ACAD10: variants seen among roughly 807,000 people sequenced by gnomAD.
ACAD10 encodes the protein acyl-CoA dehydrogenase family member 10.
A neutral mutation model predicts 116.8 loss-of-function variants in ACAD10; 112 were observed. The observed-to-expected ratio is 0.96, with a 90% CI of 0.82 to 1.12. The LOEUF is 1.12. ACAD10 is among the 50% of genes most tolerant of loss of function. The probability of loss-of-function intolerance (pLI) is 0.00; values close to 1 mark genes in which losing one functional copy is unlikely to be tolerated. For missense variants in ACAD10, 1,259 were observed against 1,350.2 expected (o/e 0.93, Z 1.06); for synonymous variants, 486 against 510.6 (o/e 0.95, Z 0.65).
chr12:111,746,738 A>G lies in ACAD10; in HGVS notation c.2257-311A>G, dbSNP rs141419047. ...GAGAAGGCCAGGCATGGTGGCTCAC[A>G]CCTGTAATCCCGGTACTTTTGGAGG... On this transcript the variant is annotated intron_variant, in intron 14 of 20. Transcript: ENST00000313698. Among the ~76,000 whole-genome samples, 910 of 152,180 alleles carry G rather than the reference A, an allele frequency of 6.0e-3. 11 individuals are homozygous for G. Among genetic ancestry groups the G allele is most frequent in the African/African-American group, 0.02 (843 of 41,544 alleles).
intron 4 of ACAD10, among the ~76,000 whole-genome samples, chr12:111,707,785 C>G (rs1888552355): frequency 6.6e-6 from 1 of 152,184 alleles, no homozygotes; most frequent in African/African-American, 2.4e-5. Flanking sequence ...TATTTGTACC[C>G]TTCGTTGGGC....
chr12:111,730,204 CGAT>C (rs1005604136), intron 10 of ACAD10, among the ~76,000 whole-genome samples: 14 of 152,162 alleles, frequency 9.2e-5, no homozygotes, highest in Non-Finnish European at 1.9e-4. Context: ...TCAACCCACT[CGAT>C]GACAGTAGCA....
chr12:111,721,726 T>C lies in ACAD10; in HGVS notation c.1048T>C (p.Cys350Arg). ...GVPVPNVLDL[C>R]EDSSVIGTPF... ...ACCTGTCCCTAACGTTCTTGATCTC[T>C]GTGAAGATTCAAGGTAAAGTTCAGA... The change falls in exon 8 of 21, where the codon TGT (cysteine) becomes CGT (arginine). Residue 350 changes from cysteine (C) to arginine (R), a missense_variant. By Grantham distance (180) the Cys-to-Arg change is radical. Transcript: ENST00000313698. 3 of 1,597,742 alleles carry C rather than the reference T, an allele frequency of 1.9e-6. No homozygotes were observed. Among genetic ancestry groups the C allele is most frequent in the Non-Finnish European group, 2.6e-6 (3 of 1,167,672 alleles).
At chr12:111,746,883 A>AG (rs1379980437) in intron 14 of ACAD10, among the ~76,000 whole-genome samples, 166 bp from the exon 15 acceptor site, 5 of 152,178 alleles carry the variant, frequency 3.3e-5, no homozygotes, top group African/African-American at 1.2e-4. Context: ...CTGTAGTCTC[A>AG]GCTGCTTGGG....
intron 5 of ACAD10, chr12:111,710,210 C>T (rs1364997497): frequency 4.6e-6 from 2 of 436,056 alleles, no homozygotes; most frequent in African/African-American, 4.1e-5. Flanking sequence ...CTACCTCAGT[C>T]TCCTGAGTAG....
intron 2 of ACAD10, among the ~76,000 whole-genome samples, chr12:111,698,040 G>A (rs2135946288): frequency 6.7e-6 from 1 of 149,304 alleles, no homozygotes; most frequent in South Asian, 2.1e-4. Context: ...TGTCACCCAG[G>A]CTAGAGTGCA....
At chr12:111,703,083 CAAA>C (rs1205550152) in intron 3 of ACAD10, among the ~76,000 whole-genome samples, 5 of 78,220 alleles carry the variant, frequency 6.4e-5, no homozygotes, top group East Asian at 4.9e-4. Flanking sequence ...GACTCTGTCT[CAAA>C]AAAAAAAAAA....
Position 111,706,784 on chromosome 12 carries a change from T to TA in ACAD10, c.531+852_531+853insA, listed in dbSNP as rs1566146063. ...TTTTTATATATATATATATATATATTTTTTTTTTTGAGACCATCTCACTCT... is the reference window on the plus strand; with the variant it reads ...TTTTTATATATATATATATATATATTATTTTTTTTTGAGACCATCTCACTCT... On this transcript the variant is annotated intron_variant, in intron 4 of 20. Coordinates refer to ENST00000313698, the MANE Select transcript of ACAD10 (RefSeq NM_025247.6). 1.9e-3 allele frequency among the ~76,000 whole-genome samples: 258 copies of TA among 134,614 alleles called. 2 individuals carry two copies. Among genetic ancestry groups the TA allele is most frequent in the African/African-American group, 6.9e-3 (239 of 34,812 alleles). 88.3% of individuals were successfully genotyped at this position (134,614 alleles called of 152,430 possible).
At chr12:111,738,222 A>G (rs550600889) in intron 12 of ACAD10, among the ~76,000 whole-genome samples, 1 of 152,104 alleles carries the variant, frequency 6.6e-6, no homozygotes, top group Non-Finnish European at 1.5e-5. Flanking sequence ...TAGTATGACA[A>G]AATGTTCCAG....
intron 8 of ACAD10, among the ~76,000 whole-genome samples, chr12:111,725,322 A>G (rs1425086286): frequency 6.6e-6 from 1 of 152,074 alleles, no homozygotes; most frequent in Non-Finnish European, 1.5e-5. Context: ...AGCCAGGGCA[A>G]CATGGCAAAA....
chr12:111,747,308 A>G lies in ACAD10; in HGVS notation c.2408A>G (p.Asp803Gly), dbSNP rs772621293. Reference sequence around the variant, plus strand: ...CTCCCCACTCAGGTTGCCTCTTCAGATGCCACCAACATTGAGGCTTCCATC... The same window carrying G: ...CTCCCCACTCAGGTTGCCTCTTCAGGTGCCACCAACATTGAGGCTTCCATC... ...AMTEPQVASSDATNIEASIRE... is the reference protein window; with the variant it reads ...AMTEPQVASSGATNIEASIRE... The change falls in exon 16 of 21, where the codon GAT becomes GGT. Residue 803 changes from aspartate (D) to glycine (G), a missense_variant. Physicochemically the swap from Asp to Gly is moderately conservative, Grantham distance 94 (BLOSUM62 -1). Transcript: ENST00000313698. 2 of 1,614,102 alleles carry G rather than the reference A, an allele frequency of 1.2e-6. No homozygotes were observed. Among genetic ancestry groups the G allele is most frequent in the Non-Finnish European group, 1.7e-6 (2 of 1,180,010 alleles).
intron 2 of ACAD10, among the ~76,000 whole-genome samples, chr12:111,696,032 T>C (rs892014385): frequency 2.7e-5 from 4 of 150,824 alleles, no homozygotes; most frequent in African/African-American, 7.3e-5. Flanking sequence ...AAAAAGTATA[T>C]ATATATATAC....
chr12:111,730,230 G>A (rs1203451255), intron 10 of ACAD10, among the ~76,000 whole-genome samples: 2 of 152,190 alleles, frequency 1.3e-5, no homozygotes, highest in African/African-American at 4.8e-5. Context: ...CCTCCCCACA[G>A]AGTGTGACAA....
At chr12:111,709,411 T>G (rs1593024096) in intron 4 of ACAD10, 115 bp from the exon 5 acceptor site, 1 of 860,938 alleles carries the variant, frequency 1.2e-6, no homozygotes. Context: ...AAATTACTTG[T>G]TATAATAAAT....
intron 1 of ACAD10, among the ~76,000 whole-genome samples, chr12:111,690,745 A>G (rs1235416134): frequency 4.7e-5 from 7 of 149,908 alleles, no homozygotes; most frequent in African/African-American, 1.7e-4. Context: ...AATTCGTGCC[A>G]CTACACTCCA....
intron 12 of ACAD10, among the ~76,000 whole-genome samples, chr12:111,739,453 G>A (rs756297960): frequency 6.6e-6 from 1 of 152,124 alleles, no homozygotes. Context: ...TGTAGATTGA[G>A]AGAGACTTAA....
intron 2 of ACAD10, among the ~76,000 whole-genome samples, chr12:111,696,387 A>G (rs1888191444): frequency 6.6e-6 from 1 of 152,202 alleles, no homozygotes; most frequent in Admixed American, 6.5e-5. Flanking sequence ...TCAGCCAAGA[A>G]TGACTTTTAT....
In ACAD10 at chr12:111,756,754, G is replaced by T; in HGVS notation, c.*281G>T. On this transcript the variant is annotated 3_prime_UTR_variant, in exon 21 of 21. Coordinates refer to ENST00000313698, the MANE Select transcript of ACAD10 (RefSeq NM_025247.6). ...CTGGTCTTCAGGCTCTCAGTCCCAG[G>T]CTGGGCAGGCACGGTCACTTCACTT... 1.7e-6 allele frequency: 1 copy of T among 595,202 alleles called. No homozygotes were observed. Among genetic ancestry groups the T allele is most frequent in the Non-Finnish European group, 3.1e-6 (1 of 318,614 alleles). The allele number at this position is 595,202 out of a possible 1,614,324, so 36.9% of individuals were successfully genotyped here. A position where few individuals can be genotyped will look rare whatever the true frequency, so the allele number is the denominator to read the frequency against.
chr12:111,718,449 G>A (rs1888914282), intron 7 of ACAD10, among the ~76,000 whole-genome samples: 1 of 151,908 alleles, frequency 6.6e-6, no homozygotes, highest in Admixed American at 6.6e-5. Context: ...ATTGATCTGG[G>A]AACCACAGTT....
Sources: allele counts gnomAD v4.1 joint callset (sites outside exome capture counted in the v4.1 genomes callset), GRCh38; gene constraint gnomAD v4.1.1; transcripts MANE v1.5; gene names NCBI Gene and HGNC (gene_info 2026-07-23, HGNC 2026-07-21).